CBR4: variants seen among roughly 807,000 people sequenced by gnomAD.
CBR4 encodes the protein 3-oxoacyl-[acyl-carrier-protein] reductase.
Under a neutral mutation model 21.0 loss-of-function variants are expected in CBR4, and 22 were observed. The observed-to-expected ratio is 1.05, with a 90% CI of 0.75 to 1.50. The LOEUF (loss-of-function observed/expected upper bound fraction) is 1.50. Among genes scored for constraint, CBR4 ranks in the 40% most tolerant of loss-of-function variants. The probability of loss-of-function intolerance (pLI) is 0.00; values close to 1 mark genes in which losing one functional copy is unlikely to be tolerated. For synonymous variants in CBR4, 100 were observed against 104.4 expected (o/e 0.96, Z 0.26); for missense variants, 302 against 286.3 (o/e 1.05, Z -0.40).
At chr4:168,974,004 TG>T (rs1375713651) in intron 2 of CBR4, among the ~76,000 whole-genome samples, 1 of 152,210 alleles carries the variant, frequency 6.6e-6, no homozygotes, top group African/African-American at 2.4e-5. Context: ...ATTGTGTTAT[TG>T]TTTTATAGAT....
At chr4:168,919,398 G>A (rs535952154) in intron 2 of CBR4, among the ~76,000 whole-genome samples, 10 of 152,010 alleles carry the variant, frequency 6.6e-5, no homozygotes, top group Non-Finnish European at 1.0e-4. Context: ...GGTGGCAGGC[G>A]CCTGTAATCC....
chr4:168,900,475 A>G (rs1756264756), intron 2 of CBR4, among the ~76,000 whole-genome samples: 2 of 152,334 alleles, frequency 1.3e-5, no homozygotes, highest in South Asian at 4.1e-4. Flanking sequence ...GCATAGAGCA[A>G]TGTACTCAAT....
intron 2 of CBR4, among the ~76,000 whole-genome samples, chr4:168,970,833 G>GATATATATATAT (rs71588181): frequency 6.7e-6 from 1 of 149,640 alleles, no homozygotes; most frequent in East Asian, 2.0e-4. Flanking sequence ...AGTAGTCCAT[G>GATATATATATAT]ATATATATAT....
intron 2 of CBR4, chr4:168,921,758 A>G: frequency 1.9e-6 from 3 of 1,585,282 alleles, no homozygotes; most frequent in Non-Finnish European, 2.6e-6. Flanking sequence ...TCATCTGTGA[A>G]TCCTTGCTCT....
At chr4:168,914,077 T>G in intron 2 of CBR4, 2 of 1,035,292 alleles carry the variant, frequency 1.9e-6, no homozygotes, top group Non-Finnish European at 3.0e-6. Flanking sequence ...TTACTATAAA[T>G]GTAGTACTAT....
intron 2 of CBR4, among the ~76,000 whole-genome samples, chr4:168,932,408 A>C (rs1762996284): frequency 6.6e-6 from 1 of 151,846 alleles, no homozygotes; most frequent in South Asian, 2.1e-4. Flanking sequence ...AAAAAAGAAT[A>C]AAGAAAGCCT....
chr4:168,899,208 G>A (rs1272142355), intron 2 of CBR4, among the ~76,000 whole-genome samples: 1 of 152,084 alleles, frequency 6.6e-6, no homozygotes, highest in African/African-American at 2.4e-5. Flanking sequence ...TGTTTAGAAC[G>A]GATAATGACA....
chr4:168,905,152 T>TTTG (rs1757406420), intron 2 of CBR4, among the ~76,000 whole-genome samples: 1 of 133,676 alleles, frequency 7.5e-6, no homozygotes, highest in Non-Finnish European at 1.6e-5. Flanking sequence ...TTTTTTTTTT[T>TTTG]TTTTTTTTTT....
intron 2 of CBR4, among the ~76,000 whole-genome samples, chr4:168,936,446 C>T (rs1763114880): frequency 1.3e-5 from 2 of 152,118 alleles, no homozygotes; most frequent in East Asian, 3.9e-4. Context: ...GACGAACTGA[C>T]AGAAGTAGGC....
chr4:168,932,551 G>C (rs1041565403), intron 2 of CBR4, among the ~76,000 whole-genome samples: 1 of 152,164 alleles, frequency 6.6e-6, no homozygotes, highest in Non-Finnish European at 1.5e-5. Context: ...TTTTGGAAAA[G>C]AGATGAACAT....
intron 4 of CBR4, among the ~76,000 whole-genome samples, chr4:168,998,425 G>A (rs1765307571): frequency 6.6e-6 from 1 of 152,094 alleles, no homozygotes; most frequent in Non-Finnish European, 1.5e-5. Flanking sequence ...TGACATAACA[G>A]TCACAAAACA....
At chr4:168,950,583 G>A (rs1763513279) in intron 2 of CBR4, among the ~76,000 whole-genome samples, 1 of 152,162 alleles carries the variant, frequency 6.6e-6, no homozygotes, top group South Asian at 2.1e-4. Flanking sequence ...TGGATGAAAT[G>A]TTCTGTATAT....
Position 168,909,691 on chromosome 4 carries a change from A to C in CBR4, n.170-14926T>G, listed in dbSNP as rs142089375. ...AGCAAATGCAGCAGCATTAATGTGCATCAGAGCCTACTAACTATGATTACC... is the reference window on the plus strand; with the variant it reads ...AGCAAATGCAGCAGCATTAATGTGCCTCAGAGCCTACTAACTATGATTACC... On this transcript the variant is annotated intron_variant and non_coding_transcript_variant, in intron 2 of 3. Coordinates refer to the CBR4 transcript ENST00000509108. Among the ~76,000 whole-genome samples the C allele has an allele frequency of 4.6e-3, 698 of 152,336 alleles. 7 individuals are homozygous for C. Among genetic ancestry groups the C allele is most frequent in the Admixed American group, 5.6e-3 (85 of 15,296 alleles).
intron 2 of CBR4, among the ~76,000 whole-genome samples, chr4:168,974,657 T>C (rs1553991891): frequency 6.6e-6 from 1 of 152,150 alleles, no homozygotes; most frequent in Non-Finnish European, 1.5e-5. Flanking sequence ...GCCTGGTCTT[T>C]GGGCTCTTAT....
intron 2 of CBR4, among the ~76,000 whole-genome samples, chr4:168,925,689 A>ATTCTT (rs1762443709): frequency 1.3e-5 from 2 of 152,202 alleles, no homozygotes; most frequent in Non-Finnish European, 2.9e-5. Flanking sequence ...ACATAAAAAA[A>ATTCTT]ACACTAGAAA....
At chr4:168,902,690 A>G (rs906992897) in intron 2 of CBR4, among the ~76,000 whole-genome samples, 1 of 152,200 alleles carries the variant, frequency 6.6e-6, no homozygotes, top group African/African-American at 2.4e-5. Context: ...TCCATGGACA[A>G]CTGGTTTTGT....
chr4:168,957,740 T>G (rs1763727688), intron 2 of CBR4, among the ~76,000 whole-genome samples: 1 of 152,220 alleles, frequency 6.6e-6, no homozygotes, highest in Non-Finnish European at 1.5e-5. Flanking sequence ...TGATATGGTT[T>G]AGCTGTGTTC....
chr4:168,989,004 C>G lies in CBR4; in HGVS notation c.*1146G>C. 1 of 982,340 alleles carries G rather than the reference C, an allele frequency of 1.0e-6. No individual in the cohort carries two copies. Among genetic ancestry groups the G allele is most frequent in the Non-Finnish European group, 1.2e-6 (1 of 827,168 alleles). 60.9% of individuals were successfully genotyped at this position (982,340 alleles called of 1,614,324 possible). On this transcript the variant is annotated 3_prime_UTR_variant, in exon 5 of 5. Coordinates refer to ENST00000306193, the MANE Select transcript of CBR4 (RefSeq NM_032783.5). The stretch of plus-strand genomic sequence containing the variant: ...AGAGTTTAATGCAAAATAATTATTA[C>G]CTGGTATTTCACATTCGGTTTGTGT...
At chr4:168,917,466 G>C (rs1189222568) in intron 2 of CBR4, among the ~76,000 whole-genome samples, 1 of 152,188 alleles carries the variant, frequency 6.6e-6, no homozygotes, top group African/African-American at 2.4e-5. Flanking sequence ...TCTCAAAGGA[G>C]TTTAGGGAAA....
Sources: allele counts gnomAD v4.1 joint callset (sites outside exome capture counted in the v4.1 genomes callset), GRCh38; gene constraint gnomAD v4.1.1; transcripts MANE v1.5; gene names NCBI Gene and HGNC (gene_info 2026-07-23, HGNC 2026-07-21).